The following DOCK6 variants were observed in gnomAD, a reference collection of about 807,000 sequenced individuals.
DOCK6 encodes dedicator of cytokinesis 6, also known as dedicator of cytokinesis protein 6.
In DOCK6, 167 loss-of-function variants were observed where a neutral mutation model predicts 230.3. The observed-to-expected ratio is 0.73, with a 90% CI of 0.64 to 0.82. The LOEUF (loss-of-function observed/expected upper bound fraction) is 0.82, where lower values mean the gene tolerates loss of function less well. Among genes scored for constraint, DOCK6 ranks in the 40% least tolerant of loss-of-function variants. The pLI, the probability that DOCK6 is intolerant of heterozygous loss-of-function variation, is 0.00. For synonymous variants in DOCK6, 1,148 were observed against 1,185.0 expected, an observed-to-expected ratio of 0.97 and a Z score of 0.64; for missense variants, 2,598 against 2,825.8, an observed-to-expected ratio of 0.92 and a Z score of 1.83.
Position 11,225,520 on chromosome 19 carries a change from T to TAC in DOCK6, c.2955+1815_2955+1816dup, listed in dbSNP as rs1055958231. On this transcript the variant is annotated intron_variant, in intron 24 of 47. Coordinates refer to ENST00000294618, the MANE Select transcript of DOCK6 (RefSeq NM_020812.4). ...TGGGAACATAGGAAGACCCCATCTC[T>TAC]ACACACACACACACACACAAAAATA... Among the ~76,000 whole-genome samples the TAC allele has an allele frequency of 3.4e-3, 509 of 150,130 alleles. 3 individuals are homozygous for TAC. The highest frequency in any genetic ancestry group is 9.7e-3 in the African/African-American group (399 of 40,986).
chr19:11,245,497 G>T, intron 9 of DOCK6, 66 bp downstream of exon 9: 2 of 1,452,052 alleles, frequency 1.4e-6, no homozygotes, highest in Non-Finnish European at 1.9e-6. Context: ...GTCTCATTCT[G>T]TGAAGGCAGG....
At position 11,252,120 on chromosome 19, in the gene DOCK6, G is replaced by A. The variant is rs747032604; in HGVS notation, c.506C>T (p.Ser169Leu). 26 of 1,588,532 alleles carry A rather than the reference G, an allele frequency of 1.6e-5. No homozygotes were observed. Among genetic ancestry groups the A allele is most frequent in the South Asian group, 1.3e-4 (11 of 86,836 alleles). Residue 169 changes from serine to leucine, a missense_variant and splice_region_variant, in exon 5 of 48, where the codon TCG becomes TTG. Coordinates refer to ENST00000294618, the MANE Select transcript of DOCK6 (RefSeq NM_020812.4). ...GACCCCAGCCAGGGGCTTCCTCACC[G>A]AGTCCTCAGGGCCGGACCTCTCGTC... is the stretch of plus-strand genomic sequence containing the variant. ...SGDERSGPED[S>L]NDSRRGSGSP...
Position 11,221,942 on chromosome 19 carries a change from G to T in DOCK6, c.3459C>A (p.Ala1153=), listed in dbSNP as rs371893062. The T allele has an allele frequency of 6.2e-7, 1 of 1,613,768 alleles. No individual in the cohort carries two copies. Among genetic ancestry groups the T allele is most frequent in the Non-Finnish European group, 8.5e-7 (1 of 1,179,890 alleles). The stretch of plus-strand genomic sequence containing the variant: ...CCACACGAGCCTTCACAGTGGCCTC[G>T]GCGTAGCGGGGGTCAGTGTCATGGC... ...LCGHDTDPRY[A]EATVKARVAE... Residue 1153 remains alanine (A), a synonymous_variant, in exon 28 of 48, where the codon GCC becomes GCA. Coordinates refer to ENST00000294618, the MANE Select transcript of DOCK6 (RefSeq NM_020812.4).
At chr19:11,257,354 T>G (rs772463150) in intron 1 of DOCK6, among the ~76,000 whole-genome samples, 12 of 148,468 alleles carry the variant, frequency 8.1e-5, no homozygotes, top group Non-Finnish European at 1.8e-4. Flanking sequence ...GTGTCAGGCA[T>G]GGTGGCTTGC....
chr19:11,241,888 ACATGTACCCTTT>A (rs2079952284), intron 14 of DOCK6, 145 bp downstream of exon 14: 1 of 1,248,358 alleles, frequency 8.0e-7, no homozygotes, highest in South Asian at 1.4e-5. Context: ...TGGAGGAAGG[ACATGTACCCTTT>A]CATGCCTACA....
chr19:11,212,733 T>C (rs1395914413), intron 35 of DOCK6, among the ~76,000 whole-genome samples: 1 of 151,640 alleles, frequency 6.6e-6, no homozygotes, highest in Non-Finnish European at 1.5e-5. Context: ...CAGCTAATTT[T>C]TGTATTTTTA....
rs778558058 is a variant in DOCK6, at chr19:11,215,371, T to C, written c.4106+16A>G. On this transcript the variant is annotated intron_variant, in intron 32 of 47. Transcript: ENST00000294618. ...ACTGTTCTGAACTCAGCAGACACCC[T>C]CCTGCCCACACCTACTTGTCCACGC... The C allele has an allele frequency of 1.2e-6, 2 of 1,611,990 alleles. No individual in the cohort carries two copies. Among genetic ancestry groups the C allele is most frequent in the Non-Finnish European group, 8.5e-7 (1 of 1,178,626 alleles).
In DOCK6 at chr19:11,215,535, G is replaced by T. The variant is rs183758321; in HGVS notation, c.4022-64C>A. 4.3e-4 allele frequency: 645 copies of T among 1,484,664 alleles called. 2 individuals carry two copies. The African/African-American group carries it at 7.3e-3, about 17-fold the overall frequency. The allele number at this position is 1,484,664 out of a possible 1,614,324, so 92.0% of individuals were successfully genotyped here. A position where few individuals can be genotyped will look rare whatever the true frequency, so the allele number is the denominator to read the frequency against. On this transcript the variant is annotated intron_variant, in intron 31 of 47. Transcript: ENST00000294618. Reference sequence around the variant, plus strand: ...CACAGGGCACACGTGAACATCAGGAGAAATGCACAGGCATGAAGATATTCA... The same window carrying T: ...CACAGGGCACACGTGAACATCAGGATAAATGCACAGGCATGAAGATATTCA...
intron 1 of DOCK6, among the ~76,000 whole-genome samples, chr19:11,260,882 C>CT (rs2080273499): frequency 1.1e-4 from 7 of 61,760 alleles, no homozygotes; most frequent in African/African-American, 4.9e-4. Flanking sequence ...GACTCTGTCT[C>CT]AAAAAAAAAA....
At chr19:11,206,938 G>C (rs536303187) in intron 39 of DOCK6, among the ~76,000 whole-genome samples, 3 of 151,542 alleles carry the variant, frequency 2.0e-5, no homozygotes, top group African/African-American at 7.3e-5. Flanking sequence ...TCCGCCTCCC[G>C]GGTTCAAGCG....
At chr19:11,228,290 C>A (rs552194021) in intron 23 of DOCK6, among the ~76,000 whole-genome samples, 2 of 151,784 alleles carry the variant, frequency 1.3e-5, no homozygotes, top group Admixed American at 6.6e-5. Flanking sequence ...GGATTACAGG[C>A]GTGAGCCACT....
intron 37 of DOCK6, among the ~76,000 whole-genome samples, chr19:11,210,892 C>T (rs1267914642): frequency 6.6e-6 from 1 of 150,590 alleles, no homozygotes; most frequent in Non-Finnish European, 1.5e-5. Flanking sequence ...GACTTCTTTA[C>T]CTCCTGACCT....
At chr19:11,258,703 G>A (rs1046794323) in intron 1 of DOCK6, among the ~76,000 whole-genome samples, 1 of 151,062 alleles carries the variant, frequency 6.6e-6, no homozygotes, top group Non-Finnish European at 1.5e-5. Flanking sequence ...AAAGTGCTGG[G>A]ATTACAAGCA....
intron 6 of DOCK6, among the ~76,000 whole-genome samples, chr19:11,250,407 C>T (rs978005113): frequency 3.4e-4 from 51 of 151,790 alleles, no homozygotes; most frequent in Admixed American, 1.1e-3. Context: ...CTTCACCTCC[C>T]GGGTTCTGGC....
At chr19:11,253,555 G>A in intron 2 of DOCK6, 84 bp downstream of exon 2, 1 of 897,534 alleles carries the variant, frequency 1.1e-6, no homozygotes, top group Non-Finnish European at 1.6e-6. Flanking sequence ...GAGGGAGGGG[G>A]TGGGATAGAA....
chr19:11,241,670 G>A (rs1446688661), intron 14 of DOCK6: 1 of 1,582,946 alleles, frequency 6.3e-7, no homozygotes, highest in Admixed American at 1.8e-5. Flanking sequence ...ACTCCACACA[G>A]CGGCGCTCCC....
At chr19:11,224,544 G>A (rs143322761) in intron 24 of DOCK6, among the ~76,000 whole-genome samples, 12 of 152,234 alleles carry the variant, frequency 7.9e-5, no homozygotes, top group African/African-American at 2.6e-4. Flanking sequence ...AACAGACGGG[G>A]GTGACATTTT....
chr19:11,219,857 C>T (rs1600885549), intron 28 of DOCK6, among the ~76,000 whole-genome samples: 1 of 152,094 alleles, frequency 6.6e-6, no homozygotes, highest in East Asian at 1.9e-4. Context: ...TCATTAGTCC[C>T]ACTTTATGGA....
chr19:11,237,776 G>T lies in DOCK6; in HGVS notation c.1836C>A (p.Ser612=), dbSNP rs1016002621. Residue 612 remains serine (S), a synonymous_variant, in exon 17 of 48, where the codon TCC becomes TCA. Transcript: ENST00000294618. The part of the protein sequence containing the change: ...AFTPVVYHNK[S]PEFYEEFKLH... The stretch of plus-strand genomic sequence containing the variant: ...GCTTGAACTCCTCGTAGAACTCGGG[G>T]GACCTGGCAGAATCGGGCTGGGGGA... The T allele has an allele frequency of 6.4e-7, 1 of 1,565,808 alleles. No homozygotes were observed. The highest frequency in any genetic ancestry group is 2.4e-5 in the East Asian group (1 of 42,020).
Sources: gnomAD v4.1 joint callset for allele counts (sites outside exome capture counted in the v4.1 genomes callset) on GRCh38, gnomAD v4.1.1 for gene constraint, MANE v1.5 for transcripts, NCBI Gene and HGNC (gene_info 2026-07-23, HGNC 2026-07-21) for gene names.